RCOR1: variants seen among roughly 807,000 people sequenced by gnomAD.
RCOR1 encodes the protein REST corepressor 1.
Under a neutral mutation model 64.0 loss-of-function variants are expected in RCOR1, and 12 were observed. That is an observed-to-expected ratio of 0.19 (90% CI 0.12 to 0.30). The LOEUF (loss-of-function observed/expected upper bound fraction) is 0.30. RCOR1 is among the 10% of genes least tolerant of loss of function. The pLI, the probability that RCOR1 is intolerant of heterozygous loss-of-function variation, is 1.00. For synonymous variants in RCOR1, 279 were observed against 227.2 expected, an observed-to-expected ratio of 1.23 and a Z score of -2.05; for missense variants, 502 against 621.2, an observed-to-expected ratio of 0.81 and a Z score of 2.04.
chr14:102,667,787 T>C (rs556863486), intron 2 of RCOR1, among the ~76,000 whole-genome samples: 1 of 146,278 alleles, frequency 6.8e-6, no homozygotes, highest in East Asian at 1.9e-4. Context: ...CCAAGATGAC[T>C]TGCCAGCCAT....
chr14:102,696,615 G>A (rs1044348316), intron 3 of RCOR1, among the ~76,000 whole-genome samples: 1 of 152,118 alleles, frequency 6.6e-6, no homozygotes, highest in Non-Finnish European at 1.5e-5. Context: ...GCCCTCAGTG[G>A]CTCCTCACTT....
intron 2 of RCOR1, among the ~76,000 whole-genome samples, chr14:102,663,456 T>TA (rs1894863377): frequency 6.6e-6 from 1 of 152,238 alleles, no homozygotes; most frequent in African/African-American, 2.4e-5. Flanking sequence ...AAGGAACTCT[T>TA]ACAACATTGG....
intron 2 of RCOR1, among the ~76,000 whole-genome samples, chr14:102,631,797 CT>C (rs1342495089): frequency 6.6e-6 from 1 of 151,924 alleles, no homozygotes; most frequent in Non-Finnish European, 1.5e-5. Flanking sequence ...ACTTTTCTTT[CT>C]TTTTTTTCTT....
At chr14:102,607,393 A>G (rs1025863578) in intron 2 of RCOR1, among the ~76,000 whole-genome samples, 2 of 152,166 alleles carry the variant, frequency 1.3e-5, no homozygotes, top group Non-Finnish European at 2.9e-5. Flanking sequence ...GGAGATGCAC[A>G]TCTTGCATAG....
chr14:102,624,115 G>C (rs1893931127), intron 2 of RCOR1, among the ~76,000 whole-genome samples: 1 of 151,866 alleles, frequency 6.6e-6, no homozygotes, highest in Non-Finnish European at 1.5e-5. Context: ...AGAATGACAT[G>C]AACCTGGGAG....
rs565364745 is a variant in RCOR1, at chr14:102,618,083, C to T, written c.361+24758C>T. ...CCGCTTCCTGGGTTCAAGTGATTCC[C>T]GTGCCTCAGCCTCCTGAGTAGCTGG... On this transcript the variant is annotated intron_variant, in intron 2 of 11. Transcript: ENST00000262241. 1.6e-3 allele frequency among the ~76,000 whole-genome samples: 243 copies of T among 151,428 alleles called. 2 individuals carry two copies. The highest frequency in any genetic ancestry group is 5.3e-3 in the African/African-American group (220 of 41,250).
At chr14:102,668,443 A>G (rs1410678447) in intron 2 of RCOR1, among the ~76,000 whole-genome samples, 1 of 152,228 alleles carries the variant, frequency 6.6e-6, no homozygotes, top group East Asian at 1.9e-4. Context: ...CCAAGCAATT[A>G]ACAATCTAGT....
chr14:102,596,851 C>T (rs1388721821), intron 2 of RCOR1, among the ~76,000 whole-genome samples: 3 of 149,368 alleles, frequency 2.0e-5, no homozygotes, highest in African/African-American at 4.9e-5. Flanking sequence ...AGGCGTGAAC[C>T]ACTGTGACTG....
At chr14:102,710,283 T>C (rs1895932393) in intron 6 of RCOR1, among the ~76,000 whole-genome samples, 1 of 152,252 alleles carries the variant, frequency 6.6e-6, no homozygotes, top group South Asian at 2.1e-4. Context: ...TTTTTACAGT[T>C]GCATTCCTAC....
At chr14:102,657,148 A>G (rs981821659) in intron 2 of RCOR1, 1 of 960,756 alleles carries the variant, frequency 1.0e-6, no homozygotes, top group Non-Finnish European at 1.2e-6. Context: ...AACCCAAAAC[A>G]CATAGGGTAG....
At chr14:102,612,298 A>G (rs1893647764) in intron 2 of RCOR1, among the ~76,000 whole-genome samples, 1 of 151,992 alleles carries the variant, frequency 6.6e-6, no homozygotes, top group Non-Finnish European at 1.5e-5. Context: ...CAAAGGTGCT[A>G]GGATTGCAGG....
intron 4 of RCOR1, among the ~76,000 whole-genome samples, chr14:102,706,763 G>C (rs1053977780): frequency 3.8e-4 from 57 of 151,884 alleles, no homozygotes; most frequent in Non-Finnish European, 8.8e-5. Flanking sequence ...CCTGGGAGGT[G>C]GAGGTTGCAG....
chr14:102,727,145 C>G lies in RCOR1; in HGVS notation c.*639C>G, dbSNP rs537369004. On this transcript the variant is annotated 3_prime_UTR_variant, in exon 12 of 12. Transcript: ENST00000262241. ...GGCTTAAATCTCCCTCTTCTCCCTT[C>G]CCAAGTGTTACAAAGATCATTTACT... 1 of 152,322 alleles carries G rather than the reference C, an allele frequency of 6.6e-6. No individual in the cohort carries two copies. The highest frequency in any genetic ancestry group is 2.1e-4 in the South Asian group (1 of 4,830). The allele number at this position is 152,322 out of a possible 1,614,324, so 9.4% of individuals were successfully genotyped here.
intron 8 of RCOR1, among the ~76,000 whole-genome samples, chr14:102,718,782 G>A (rs1045461149): frequency 1.3e-5 from 2 of 152,046 alleles, no homozygotes; most frequent in Admixed American, 6.6e-5. Flanking sequence ...TTTGGCGGGG[G>A]GAAGGGGGCG....
At chr14:102,593,388 C>G in intron 2 of RCOR1, 63 bp downstream of exon 2, 2 of 1,431,758 alleles carry the variant, frequency 1.4e-6, no homozygotes, top group Non-Finnish European at 1.8e-6. Flanking sequence ...CCCCGGCGAG[C>G]CCGAGGGGGC....
Position 102,720,227 on chromosome 14 carries a change from C to T in RCOR1, c.1054-780C>T, listed in dbSNP as rs74923959. Reference sequence around the variant, plus strand: ...GTTCAGAGTTCCCTGGTGCTTGACACGGATATGCCCTCTACTTGGAGTAGA... The same window carrying T: ...GTTCAGAGTTCCCTGGTGCTTGACATGGATATGCCCTCTACTTGGAGTAGA... On this transcript the variant is annotated intron_variant, in intron 8 of 11. Coordinates refer to ENST00000262241, the MANE Select transcript of RCOR1 (RefSeq NM_015156.4). 1.8e-4 allele frequency among the ~76,000 whole-genome samples: 27 copies of T among 152,248 alleles called. No individual in the cohort carries two copies. The East Asian group carries it at 3.5e-3, about 20-fold the overall frequency.
chr14:102,653,979 CT>C (rs1255382619), intron 2 of RCOR1, among the ~76,000 whole-genome samples: 2 of 22,078 alleles, frequency 9.1e-5, no homozygotes, highest in Non-Finnish European at 1.8e-4. Flanking sequence ...TTCTTTCTTT[CT>C]TTCTTTTTTT....
At chr14:102,604,458 A>G (rs1257483852) in intron 2 of RCOR1, among the ~76,000 whole-genome samples, 1 of 152,076 alleles carries the variant, frequency 6.6e-6, no homozygotes, top group Admixed American at 6.6e-5. Flanking sequence ...CAGGTTGCTT[A>G]CTCTGTGCCA....
chr14:102,636,600 G>T (rs1019076025), intron 2 of RCOR1, among the ~76,000 whole-genome samples: 1 of 151,974 alleles, frequency 6.6e-6, no homozygotes, highest in Non-Finnish European at 1.5e-5. Context: ...CTTTTCATAT[G>T]TTTGTAGATC....
Sources: gnomAD v4.1 joint callset for allele counts (sites outside exome capture counted in the v4.1 genomes callset) on GRCh38, gnomAD v4.1.1 for gene constraint, MANE v1.5 for transcripts, NCBI Gene and HGNC (gene_info 2026-07-23, HGNC 2026-07-21) for gene names.